The following SEC24D variants were observed in gnomAD, a reference collection of about 807,000 sequenced individuals.
SEC24D encodes protein transport protein Sec24D.
Under a neutral mutation model 116.9 loss-of-function variants are expected in SEC24D, and 69 were observed. The observed-to-expected ratio is 0.59, with a 90% CI of 0.49 to 0.72. The LOEUF (loss-of-function observed/expected upper bound fraction) is 0.72. Ranked by LOEUF, SEC24D falls within the 30% of genes least tolerant of loss-of-function variation. The pLI is 0.00. For missense variants in SEC24D, 1,131 were observed against 1,264.1 expected, an observed-to-expected ratio of 0.89 and a Z score of 1.60; for synonymous variants, 405 against 442.8, an observed-to-expected ratio of 0.91 and a Z score of 1.07.
At position 118,764,928 on chromosome 4, in the gene SEC24D, C is replaced by T; in HGVS notation, c.1181-11G>A. 1 of 1,394,816 alleles carries T rather than the reference C, an allele frequency of 7.2e-7. No homozygotes were observed. The highest frequency in any genetic ancestry group is 1.0e-6 in the Non-Finnish European group (1 of 986,796). The allele number at this position is 1,394,816 out of a possible 1,614,324, so 86.4% of individuals were successfully genotyped here. A position where few individuals can be genotyped will look rare whatever the true frequency, so the allele number is the denominator to read the frequency against. ...AATAGAATGGTGGAACTAATAAAAA[C>T]AAAATAGGAAAGAAAATATTTTGTT... On this transcript the variant is annotated splice_polypyrimidine_tract_variant and intron_variant, in intron 9 of 22. Coordinates refer to ENST00000280551, the MANE Select transcript of SEC24D (RefSeq NM_014822.4).
At chr4:118,763,827 C>A (rs1041435618) in intron 10 of SEC24D, among the ~76,000 whole-genome samples, 1 of 152,026 alleles carries the variant, frequency 6.6e-6, no homozygotes, top group African/African-American at 2.4e-5. Flanking sequence ...TCTAAGAAGA[C>A]GGCAGACATA....
intron 18 of SEC24D, 65 bp downstream of exon 18, chr4:118,739,084 A>T: frequency 6.5e-7 from 1 of 1,543,382 alleles, no homozygotes; most frequent in South Asian, 1.1e-5. Context: ...CTTTTTAGCT[A>T]CTGACAAATC....
intron 8 of SEC24D, among the ~76,000 whole-genome samples, chr4:118,786,875 T>C (rs1728681604): frequency 6.6e-6 from 1 of 152,192 alleles, no homozygotes; most frequent in Non-Finnish European, 1.5e-5. Context: ...AATTAAATCA[T>C]GGCAGAATGT....
At chr4:118,791,671 C>T (rs1199415031) in intron 8 of SEC24D, among the ~76,000 whole-genome samples, 2 of 152,116 alleles carry the variant, frequency 1.3e-5, no homozygotes, top group East Asian at 3.9e-4. Flanking sequence ...ATTGCAGGCA[C>T]GCGCCGCCAC....
At position 118,796,437 on chromosome 4, in the gene SEC24D, C is replaced by T. The variant is rs768242531; in HGVS notation, c.1041+1246G>A. On this transcript the variant is annotated intron_variant, in intron 8 of 22. Transcript: ENST00000280551. Reference sequence around the variant, plus strand: ...GAATGTACATCTTGATTTGCAAATACGAAACCATACCACACGTAAGTTTGG... The same window carrying T: ...GAATGTACATCTTGATTTGCAAATATGAAACCATACCACACGTAAGTTTGG... 2.2e-4 allele frequency among the ~76,000 whole-genome samples: 33 copies of T among 152,186 alleles called. No homozygotes were observed. In the Middle Eastern group the frequency reaches 0.01, roughly 47 times the overall value.
rs531870484 is a variant in SEC24D, at chr4:118,810,159, G to A, written c.802-4205C>T. Among the ~76,000 whole-genome samples the A allele has an allele frequency of 1.2e-4, 17 of 143,324 alleles. 1 individual carries two copies. Among genetic ancestry groups the A allele is most frequent in the African/African-American group, 4.4e-4 (17 of 38,826 alleles). 94.0% of individuals were successfully genotyped at this position (143,324 alleles called of 152,430 possible). On this transcript the variant is annotated intron_variant, in intron 6 of 22. Coordinates refer to ENST00000280551, the MANE Select transcript of SEC24D (RefSeq NM_014822.4). ...GTGTCAGAGGGTATAGGGGAGCCAGGGGTGGCAAATAATGTAGGGTCCTGC... is the reference window on the plus strand; with the variant it reads ...GTGTCAGAGGGTATAGGGGAGCCAGAGGTGGCAAATAATGTAGGGTCCTGC...
In SEC24D at chr4:118,815,161, T is replaced by C. The variant is rs201625186; in HGVS notation, c.674-6A>G. The C allele has an allele frequency of 1.3e-5, 21 of 1,613,690 alleles. No homozygotes were observed. Among genetic ancestry groups the C allele is most frequent in the Non-Finnish European group, 1.7e-5 (20 of 1,179,906 alleles). On this transcript the variant is annotated splice_polypyrimidine_tract_variant and splice_region_variant and intron_variant, in intron 5 of 22. Transcript: ENST00000280551. ...CATCTGGGGACCAGAGTTGGCTGCT[T>C]GGAAAAAATTTAAAGAGAAATGACT...
intron 8 of SEC24D, among the ~76,000 whole-genome samples, chr4:118,772,587 G>A (rs1430288989): frequency 6.6e-6 from 1 of 152,144 alleles, no homozygotes; most frequent in South Asian, 2.1e-4. Context: ...GGGAAACAGA[G>A]GTACGGTTGG....
intron 4 of SEC24D, among the ~76,000 whole-genome samples, chr4:118,816,154 C>T (rs1326302174): frequency 1.4e-5 from 2 of 146,152 alleles, no homozygotes. Context: ...GTCTCAAACT[C>T]CTGGGCTCAA....
In SEC24D at chr4:118,745,117, T is replaced by A. The variant is rs551792245; in HGVS notation, c.1708-57A>T. 45 of 919,174 alleles carry A rather than the reference T, an allele frequency of 4.9e-5. 2 individuals carry two copies. The South Asian group carries it at 6.2e-4, about 13-fold the overall frequency. The allele number at this position is 919,174 out of a possible 1,614,324, so 56.9% of individuals were successfully genotyped here. On this transcript the variant is annotated intron_variant, in intron 13 of 22. Transcript: ENST00000280551. Reference sequence around the variant, plus strand: ...GAAAATGCCGTGAGTAGGAACATTTTAAGAGAATCAGAAAATAAAATATAA... The same window carrying A: ...GAAAATGCCGTGAGTAGGAACATTTAAAGAGAATCAGAAAATAAAATATAA...
At chr4:118,774,043 AAG>A (rs750237866) in intron 8 of SEC24D, among the ~76,000 whole-genome samples, 5 of 151,976 alleles carry the variant, frequency 3.3e-5, no homozygotes, top group Non-Finnish European at 7.4e-5. Context: ...TGTTAGTTCT[AAG>A]ACTATATTTA....
intron 15 of SEC24D, among the ~76,000 whole-genome samples, chr4:118,742,735 C>T (rs1316299291): frequency 1.3e-5 from 2 of 152,174 alleles, no homozygotes; most frequent in South Asian, 4.1e-4. Flanking sequence ...GGAGAATACA[C>T]CTTCCCAGTC....
intron 8 of SEC24D, among the ~76,000 whole-genome samples, chr4:118,771,366 G>C (rs2110476458): frequency 6.6e-6 from 1 of 152,246 alleles, no homozygotes; most frequent in Non-Finnish European, 1.5e-5. Flanking sequence ...TGAAAGGATA[G>C]AAAGACTGGC....
intron 8 of SEC24D, among the ~76,000 whole-genome samples, chr4:118,788,935 C>T (rs1728770767): frequency 6.6e-6 from 1 of 152,112 alleles, no homozygotes; most frequent in Non-Finnish European, 1.5e-5. Flanking sequence ...ACCTCTATGC[C>T]CAGCCCACTG....
intron 3 of SEC24D, among the ~76,000 whole-genome samples, 195 bp downstream of exon 3, chr4:118,824,425 C>G (rs113353817): frequency 1.3e-5 from 2 of 152,168 alleles, no homozygotes; most frequent in Non-Finnish European, 2.9e-5. Flanking sequence ...GGATTAAAGC[C>G]GTGAACCATC....
intron 2 of SEC24D, among the ~76,000 whole-genome samples, chr4:118,830,291 C>T (rs906546955): frequency 6.6e-5 from 10 of 152,130 alleles, no homozygotes; most frequent in Non-Finnish European, 1.3e-4. Flanking sequence ...GGCCAGGTGC[C>T]GAGGCTAACG....
intron 7 of SEC24D, among the ~76,000 whole-genome samples, chr4:118,799,373 T>C (rs772843363): frequency 1.3e-5 from 2 of 152,134 alleles, no homozygotes; most frequent in African/African-American, 4.8e-5. Context: ...ATCAGGAATC[T>C]AGTCAGGGAC....
intron 13 of SEC24D, among the ~76,000 whole-genome samples, chr4:118,751,715 T>C (rs941445902): frequency 1.3e-5 from 2 of 152,174 alleles, no homozygotes; most frequent in African/African-American, 4.8e-5. Context: ...AATTTTAAAA[T>C]AGACCATATA....
At chr4:118,741,429 C>A (rs114778020) in intron 15 of SEC24D, among the ~76,000 whole-genome samples, 6,065 of 152,278 alleles carry the variant, frequency 0.04, 175 homozygotes, top group Non-Finnish European at 0.062. Flanking sequence ...AGTCTGACCA[C>A]ATTCAGAGCT....
Sources: gnomAD v4.1 joint callset for allele counts (sites outside exome capture counted in the v4.1 genomes callset) on GRCh38, gnomAD v4.1.1 for gene constraint, MANE v1.5 for transcripts, NCBI Gene and HGNC (gene_info 2026-07-23, HGNC 2026-07-21) for gene names.